CHD9: variants seen among roughly 807,000 people sequenced by gnomAD.
CHD9 encodes ATP-dependent chromatin remodeler CHD9.
Under a neutral mutation model 316.1 loss-of-function variants are expected in CHD9, and 77 were observed. That is an observed-to-expected ratio of 0.24 (90% CI 0.20 to 0.29). The LOEUF (loss-of-function observed/expected upper bound fraction) is 0.29. Ranked by LOEUF, CHD9 falls within the 10% of genes least tolerant of loss-of-function variation. CHD9 has a pLI of 1.00. For synonymous variants in CHD9, 1,129 were observed against 1,158.3 expected (o/e 0.97, Z 0.51); for missense variants, 2,763 against 3,438.1 (o/e 0.80, Z 4.91).
At chr16:53,272,259 C>A (rs2052347432) in intron 22 of CHD9, among the ~76,000 whole-genome samples, 1 of 151,254 alleles carries the variant, frequency 6.6e-6, no homozygotes, top group Non-Finnish European at 1.5e-5. Context: ...AAAAGGGACA[C>A]TACCTAATAA....
chr16:53,205,084 C>T (rs2045792917), intron 2 of CHD9, among the ~76,000 whole-genome samples: 1 of 152,172 alleles, frequency 6.6e-6, no homozygotes, highest in Non-Finnish European at 1.5e-5. Context: ...TCAAGTGATG[C>T]ATCCACCTTG....
Position 53,064,113 on chromosome 16 carries a change from C to T in CHD9, c.-165+9036C>T, listed in dbSNP as rs555576464. 2.6e-5 allele frequency among the ~76,000 whole-genome samples: 4 copies of T among 152,266 alleles called. No individual in the cohort carries two copies. The South Asian group carries it at 8.3e-4, about 32-fold the overall frequency. On this transcript the variant is annotated intron_variant, in intron 1 of 38. Coordinates refer to ENST00000447540, the MANE Select transcript of CHD9 (RefSeq NM_001308319.2). ...CCTCCCAAAGTTCTGGAATTACAGGCATGAGCCACCATATATGGCCTGGTT... is the reference window on the plus strand; with the variant it reads ...CCTCCCAAAGTTCTGGAATTACAGGTATGAGCCACCATATATGGCCTGGTT...
At chr16:53,306,865 C>T (rs182805610) in intron 32 of CHD9, among the ~76,000 whole-genome samples, 4 of 152,086 alleles carry the variant, frequency 2.6e-5, no homozygotes, top group African/African-American at 9.7e-5. Context: ...CTGCAACCTC[C>T]GCCTCCCAGG....
chr16:53,273,513 G>C, intron 22 of CHD9, 113 bp from the exon 23 acceptor site: 1 of 680,602 alleles, frequency 1.5e-6, no homozygotes, highest in Non-Finnish European at 2.4e-6. Flanking sequence ...ATATTTTAAA[G>C]ATCTCTGAAC....
At chr16:53,212,337 A>T (rs930214208) in intron 3 of CHD9, among the ~76,000 whole-genome samples, 2 of 152,022 alleles carry the variant, frequency 1.3e-5, no homozygotes, top group African/African-American at 4.8e-5. Context: ...CCTGGGAGGC[A>T]GAGGTTGCAG....
At chr16:53,209,067 C>T (rs1478551778) in intron 2 of CHD9, among the ~76,000 whole-genome samples, 2 of 152,070 alleles carry the variant, frequency 1.3e-5, no homozygotes, top group African/African-American at 4.8e-5. Context: ...CCATAATAAA[C>T]TGTATGGAGT....
chr16:53,142,112 T>C (rs776814460), intron 1 of CHD9, among the ~76,000 whole-genome samples: 3 of 152,240 alleles, frequency 2.0e-5, no homozygotes, highest in African/African-American at 7.2e-5. Flanking sequence ...CATTTTTAAT[T>C]TTTTAAATGA....
At chr16:53,118,236 G>A (rs62047981) in intron 1 of CHD9, among the ~76,000 whole-genome samples, 41,295 of 151,912 alleles carry the variant, frequency 0.27, 7,058 homozygotes, top group Non-Finnish European at 0.38. Flanking sequence ...GGCCAACATG[G>A]CAAAACCCTG....
chr16:53,188,681 A>G (rs745405573), intron 2 of CHD9, among the ~76,000 whole-genome samples: 7 of 118,412 alleles, frequency 5.9e-5, no homozygotes, highest in Non-Finnish European at 9.6e-5. Flanking sequence ...TGCAACCTCC[A>G]CCTCCCAGGT....
chr16:53,116,584 G>A (rs973228155), intron 1 of CHD9, among the ~76,000 whole-genome samples: 5 of 152,194 alleles, frequency 3.3e-5, no homozygotes, highest in African/African-American at 9.6e-5. Flanking sequence ...ACAGATGCTG[G>A]TGAGGCTGTG....
chr16:53,155,915 T>C lies in CHD9; in HGVS notation c.-164-11T>C, dbSNP rs2041491616. 3.4e-6 allele frequency: 2 copies of C among 596,192 alleles called. No individual in the cohort carries two copies. The highest frequency in any genetic ancestry group is 1.9e-5 in the African/African-American group (1 of 53,470). The allele number at this position is 596,192 out of a possible 1,614,324, so 36.9% of individuals were successfully genotyped here. ...AATTTCTCTTTATTGTTTTTGTTCC[T>C]TTTTTTCTAGGATTTTGACACTTCA... is the stretch of plus-strand genomic sequence containing the variant. On this transcript the variant is annotated splice_polypyrimidine_tract_variant and intron_variant, in intron 1 of 38. Coordinates refer to ENST00000447540, the MANE Select transcript of CHD9 (RefSeq NM_001308319.2).
At position 53,279,929 on chromosome 16, in the gene CHD9, A is replaced by G. The variant is rs145538140; in HGVS notation, c.4967+5627A>G. Among the ~76,000 whole-genome samples, 267 of 152,336 alleles carry G rather than the reference A, an allele frequency of 1.8e-3. 3 individuals carry two copies. The highest frequency in any genetic ancestry group is 6.0e-3 in the African/African-American group (249 of 41,580). On this transcript the variant is annotated intron_variant, in intron 24 of 38. Coordinates refer to ENST00000447540, the MANE Select transcript of CHD9 (RefSeq NM_001308319.2). Reference sequence around the variant, plus strand: ...CAACAAACATAAGAAAAAATGCCCAATATCGCTAATGATCAGGGAAATGCA... The same window carrying G: ...CAACAAACATAAGAAAAAATGCCCAGTATCGCTAATGATCAGGGAAATGCA...
At chr16:53,210,951 ACTT>A (rs2046285786) in intron 3 of CHD9, among the ~76,000 whole-genome samples, 1 of 152,050 alleles carries the variant, frequency 6.6e-6, no homozygotes, top group Middle Eastern at 3.2e-3. Flanking sequence ...AAAGATTTCT[ACTT>A]CTTTTATTGT....
At chr16:53,308,606 C>A in intron 33 of CHD9, 80 bp from the exon 34 acceptor site, 1 of 958,334 alleles carries the variant, frequency 1.0e-6, no homozygotes, top group Non-Finnish European at 1.6e-6. Context: ...TTTTTTTCCT[C>A]AGTAAAAAAA....
intron 1 of CHD9, among the ~76,000 whole-genome samples, chr16:53,112,138 C>G (rs2037916910): frequency 6.6e-6 from 1 of 152,218 alleles, no homozygotes; most frequent in African/African-American, 2.4e-5. Context: ...CTGTTTTAAG[C>G]TGTCCTAAAA....
chr16:53,098,373 G>C (rs1370291533), intron 1 of CHD9, among the ~76,000 whole-genome samples: 1 of 151,768 alleles, frequency 6.6e-6, no homozygotes, highest in Admixed American at 6.6e-5. Context: ...CTATTTGGGA[G>C]GCTGAGGCAG....
chr16:53,307,962 AT>A lies in CHD9; in HGVS notation c.7053+14del, dbSNP rs1473413573. On this transcript the variant is annotated intron_variant, in intron 33 of 38. Transcript: ENST00000447540. ...CAGTGAAAATCAAAGACGTATGTGT[AT>A]TTTTATTGCCCTAGGGCCTGATTGC... 3 of 1,583,174 alleles carry A rather than the reference AT, an allele frequency of 1.9e-6. 1 individual carries two copies. The Admixed American group carries it at 5.5e-5, about 29-fold the overall frequency.
chr16:53,089,122 A>AT (rs920424686), intron 1 of CHD9, among the ~76,000 whole-genome samples: 22 of 150,262 alleles, frequency 1.5e-4, no homozygotes, highest in East Asian at 2.0e-4. Context: ...AAAAAAAAAA[A>AT]AATAATAATA....
intron 1 of CHD9, among the ~76,000 whole-genome samples, chr16:53,146,436 T>TATATATATATAA (rs1385131635): frequency 7.6e-6 from 1 of 130,970 alleles, no homozygotes; most frequent in African/African-American, 3.2e-5. Context: ...TATATATATA[T>TATATATATATAA]AATTAAAAAG....
Sources: gnomAD v4.1 joint callset for allele counts (sites outside exome capture counted in the v4.1 genomes callset) on GRCh38, gnomAD v4.1.1 for gene constraint, MANE v1.5 for transcripts, NCBI Gene and HGNC (gene_info 2026-07-23, HGNC 2026-07-21) for gene names.